Variants in RGS5 observed in about 807,000 individuals in gnomAD.
RGS5 encodes the protein regulator of G protein signaling 5, also known as regulator of G-protein signalling 5.
A neutral mutation model predicts 18.9 loss-of-function variants in RGS5; 20 were observed. That is an observed-to-expected ratio of 1.06 (90% CI 0.74 to 1.54). The LOEUF is 1.54. RGS5 is among the 40% of genes most tolerant of loss of function. RGS5 has a pLI of 0.00. For synonymous variants in RGS5, 57 were observed against 76.2 expected (o/e 0.75, Z 1.31); for missense variants, 201 against 211.8 (o/e 0.95, Z 0.32).
chr1:163,187,702 C>T (rs968946634), intron 1 of RGS5, among the ~76,000 whole-genome samples: 1 of 152,182 alleles, frequency 6.6e-6, no homozygotes, highest in Non-Finnish European at 1.5e-5. Flanking sequence ...CCCCATGCCT[C>T]ACCCTAGTGT....
intron 2 of RGS5, among the ~76,000 whole-genome samples, chr1:163,238,300 C>A (rs1438807881): frequency 6.6e-6 from 1 of 152,182 alleles, no homozygotes; most frequent in African/African-American, 2.4e-5. Context: ...TTAAAGAATT[C>A]AGTGTCAAAA....
intron 2 of RGS5, among the ~76,000 whole-genome samples, chr1:163,223,457 T>C (rs537805449): frequency 5.9e-5 from 9 of 152,334 alleles, no homozygotes; most frequent in Admixed American, 4.6e-4. Flanking sequence ...AAGTAATTGC[T>C]GTCTGGACCC....
intron 3 of RGS5, 88 bp downstream of exon 3, chr1:163,161,827 G>A: frequency 1.0e-6 from 1 of 982,494 alleles, no homozygotes. Context: ...TCAACATTGG[G>A]GAAGAAGAAC....
At position 163,255,117 on chromosome 1, in the gene RGS5, A is replaced by T. The variant is rs890621088; in HGVS notation, c.-281+51116T>A. Among the ~76,000 whole-genome samples, 10 of 152,114 alleles carry T rather than the reference A, an allele frequency of 6.6e-5. 1 individual carries two copies. Among genetic ancestry groups the T allele is most frequent in the Admixed American group, 2.6e-4 (4 of 15,250 alleles). Reference sequence around the variant, plus strand: ...GCTTTGTTCTTTTAGCTTAGGATTGACTTGGCGATGTGGGCTCTTTTTTGG... The same window carrying T: ...GCTTTGTTCTTTTAGCTTAGGATTGTCTTGGCGATGTGGGCTCTTTTTTGG... On this transcript the variant is annotated intron_variant, in intron 2 of 5. Transcript: ENST00000618415.
chr1:163,216,866 C>A (rs189865003), intron 1 of RGS5, among the ~76,000 whole-genome samples: 2 of 152,250 alleles, frequency 1.3e-5, no homozygotes, highest in Non-Finnish European at 1.5e-5. Flanking sequence ...TGATTCACAG[C>A]GACCTCGCCA....
chr1:163,219,855 T>G (rs1436917421), upstream of RGS5, among the ~76,000 whole-genome samples: 2 of 152,168 alleles, frequency 1.3e-5, no homozygotes, highest in Non-Finnish European at 2.9e-5. Flanking sequence ...TTTCTAATTT[T>G]TGGCTATCAT....
In RGS5 at chr1:163,243,424, G is replaced by T. The variant is rs148234768; in HGVS notation, c.-281+62809C>A. On this transcript the variant is annotated intron_variant, in intron 2 of 5. Transcript: ENST00000618415. ...GCACTCTGGGAGGCCGAGCGGGGTGGATCACGAGATCAGGAGATCGAGACC... is the reference window on the plus strand; with the variant it reads ...GCACTCTGGGAGGCCGAGCGGGGTGTATCACGAGATCAGGAGATCGAGACC... Among the ~76,000 whole-genome samples the T allele has an allele frequency of 4.2e-3, 632 of 152,120 alleles. 2 individuals carry two copies. Among genetic ancestry groups the T allele is most frequent in the African/African-American group, 0.014 (586 of 41,494 alleles).
intron 1 of RGS5, among the ~76,000 whole-genome samples, chr1:163,177,020 A>G (rs902838405): frequency 6.6e-6 from 1 of 152,212 alleles, no homozygotes; most frequent in African/African-American, 2.4e-5. Context: ...CTATCCCTAT[A>G]GAGATCGAAA....
chr1:163,192,482 A>T (rs1469432056), intron 1 of RGS5, among the ~76,000 whole-genome samples: 1 of 148,686 alleles, frequency 6.7e-6, no homozygotes, highest in Non-Finnish European at 1.5e-5. Context: ...GATAGAAAAG[A>T]CCTATTCGCC....
intron 2 of RGS5, among the ~76,000 whole-genome samples, chr1:163,270,611 T>C (rs1648694319): frequency 6.6e-6 from 1 of 152,158 alleles, no homozygotes. Context: ...TGAATTTACC[T>C]GTTGAGAAGA....
At chr1:163,270,354 A>AG (rs1443934758) in intron 2 of RGS5, among the ~76,000 whole-genome samples, 1 of 58,736 alleles carries the variant, frequency 1.7e-5, no homozygotes, top group Non-Finnish European at 4.2e-5. Flanking sequence ...TCTATTGAGA[A>AG]AAAAAAAAAA....
chr1:163,258,628 T>C (rs1648341445), intron 2 of RGS5, among the ~76,000 whole-genome samples: 1 of 151,688 alleles, frequency 6.6e-6, no homozygotes, highest in South Asian at 2.1e-4. Context: ...AAGAGGAAAA[T>C]GCTAAAGTAA....
chr1:163,281,046 G>C (rs373051098), intron 2 of RGS5, among the ~76,000 whole-genome samples: 1 of 152,106 alleles, frequency 6.6e-6, no homozygotes, highest in African/African-American at 2.4e-5. Flanking sequence ...TTCCTGTGCT[G>C]TCCTTGGAAT....
At chr1:163,192,408 AGTGTT>A (rs1284893012) in intron 1 of RGS5, among the ~76,000 whole-genome samples, 1 of 152,174 alleles carries the variant, frequency 6.6e-6, no homozygotes, top group Non-Finnish European at 1.5e-5. Flanking sequence ...TCAGAAGTGA[AGTGTT>A]GTGTGAGGAG....
At chr1:163,291,887 A>G (rs1557933092) in intron 2 of RGS5, among the ~76,000 whole-genome samples, 1 of 152,170 alleles carries the variant, frequency 6.6e-6, no homozygotes, top group South Asian at 2.1e-4. Flanking sequence ...CTTCACTGCA[A>G]TGACATGATC....
At chr1:163,272,992 G>C (rs970823650) in intron 2 of RGS5, among the ~76,000 whole-genome samples, 3 of 151,702 alleles carry the variant, frequency 2.0e-5, no homozygotes, top group Admixed American at 2.0e-4. Context: ...AATCATGAGG[G>C]GTTTTTTTCA....
At chr1:163,303,591 T>C (rs1361177373) in intron 2 of RGS5, among the ~76,000 whole-genome samples, 1 of 152,190 alleles carries the variant, frequency 6.6e-6, no homozygotes, top group Non-Finnish European at 1.5e-5. Flanking sequence ...TGTACTTCTG[T>C]ATTTGCTCAT....
At chr1:163,175,836 C>T (rs898046158) in intron 1 of RGS5, among the ~76,000 whole-genome samples, 2 of 152,090 alleles carry the variant, frequency 1.3e-5, no homozygotes, top group African/African-American at 4.8e-5. Context: ...ATATGAAATA[C>T]TCCTCGGGTG....
chr1:163,260,272 G>A (rs895915142), intron 2 of RGS5: 1 of 152,120 alleles, frequency 6.6e-6, no homozygotes, highest in East Asian at 1.9e-4. Context: ...TCTTTGGATG[G>A]TTTGCATCAT....
Sources: allele counts gnomAD v4.1 joint callset (sites outside exome capture counted in the v4.1 genomes callset), GRCh38; gene constraint gnomAD v4.1.1; transcripts MANE v1.5; gene names NCBI Gene and HGNC (gene_info 2026-07-23, HGNC 2026-07-21).